Variants in BTK observed in about 807,000 individuals in gnomAD.
BTK encodes the protein Bruton tyrosine kinase, also known as tyrosine-protein kinase BTK.
BTK carries 5 observed loss-of-function variants against 57.4 expected under a neutral mutation model. The ratio of observed to expected loss-of-function variants is 0.09; its 90% CI spans 0.05 to 0.18. The LOEUF (loss-of-function observed/expected upper bound fraction) is 0.18, where lower values mean the gene tolerates loss of function less well. Ranked by LOEUF, BTK falls within the 10% of genes least tolerant of loss-of-function variation. BTK has a pLI of 1.00. For synonymous variants in BTK, 154 were observed against 174.3 expected (o/e 0.88, Z 0.92); for missense variants, 194 against 501.2 (o/e 0.39, Z 5.85).
At chrX:101,384,605 CAA>C (rs10586954) in intron 1 of BTK, among the ~76,000 whole-genome samples, 28,310 of 83,645 alleles carry the variant, frequency 0.34, 5,722 homozygotes, top group African/African-American at 0.72. Flanking sequence ...AACTCCGTGT[CAA>C]AAAAAAAAAA....
At chrX:101,376,040 A>G (rs782376574) in intron 1 of BTK, among the ~76,000 whole-genome samples, 2 of 111,012 alleles carry the variant, frequency 1.8e-5, no homozygotes, top group Non-Finnish European at 3.8e-5. Flanking sequence ...GTTCTTTTAG[A>G]CAGCATCATG....
At chrX:101,383,421 C>T (rs187064456) in intron 1 of BTK, among the ~76,000 whole-genome samples, 1 of 111,975 alleles carries the variant, frequency 8.9e-6, no homozygotes, top group African/African-American at 3.2e-5. Flanking sequence ...TTTCCAGAAA[C>T]ATTGTCCCAA....
chrX:101,375,386 C>T, intron 1 of BTK, 72 bp from the exon 2 acceptor site: 1 of 1,053,935 alleles, frequency 9.5e-7, no homozygotes, highest in Non-Finnish European at 1.3e-6. Context: ...CTCAGCCTAG[C>T]TACCTAGTTT....
rs782019387 is a variant in BTK, at chrX:101,353,892, G to A, written c.1728C>T (p.Ser576=). 1 of 1,209,682 alleles carries A rather than the reference G, an allele frequency of 8.3e-7. No homozygotes were observed. The highest frequency in any genetic ancestry group is 1.8e-5 in the South Asian group (1 of 56,981). ...PEVLMYSKFS[S]KSDIWAFGVL... The stretch of plus-strand genomic sequence containing the variant: ...TACCAAAAGCCCAAATGTCAGATTT[G>A]CTGCTGAACTTGCTATACATCAGGA... Residue 576 remains serine, a synonymous_variant, in exon 17 of 19, where the codon AGC becomes AGT. Transcript: ENST00000308731.
At chrX:101,386,904 C>T (rs781821910), upstream of BTK, among the ~76,000 whole-genome samples, 1 of 111,642 alleles carries the variant, frequency 9.0e-6, no homozygotes, top group South Asian at 3.7e-4. Flanking sequence ...CTAGGTATGT[C>T]ACTTGAAGCC....
chrX:101,354,558 T>G, intron 16 of BTK, 72 bp downstream of exon 16: 2 of 1,045,412 alleles, frequency 1.9e-6, no homozygotes, highest in Non-Finnish European at 2.7e-6. Flanking sequence ...GGATTAAAAC[T>G]GTAACACCTA....
chrX:101,359,016 T>C (rs2147430655), intron 10 of BTK, among the ~76,000 whole-genome samples: 1 of 111,825 alleles, frequency 8.9e-6, no homozygotes, highest in South Asian at 3.8e-4. Context: ...CATGTGCCTG[T>C]AATCCCAGCT....
chrX:101,370,099 G>T lies in BTK; in HGVS notation c.310-20C>A, dbSNP rs782576504. 1.5e-5 allele frequency: 17 copies of T among 1,145,812 alleles called. No homozygotes were observed. The highest frequency in any genetic ancestry group is 1.9e-5 in the Non-Finnish European group (16 of 835,665). 94.4% of individuals were successfully genotyped at this position (1,145,812 alleles called of 1,213,427 possible). A position where few individuals can be genotyped will look rare whatever the true frequency, so the allele number is the denominator to read the frequency against. The stretch of plus-strand genomic sequence containing the variant: ...TACAACCTGGGTCGATGAAAACACA[G>T]ACTTCAGCAGTTAGGATTCAGAAAA... On this transcript the variant is annotated intron_variant, in intron 4 of 18. Coordinates refer to ENST00000308731, the MANE Select transcript of BTK (RefSeq NM_000061.3).
intron 4 of BTK, 73 bp downstream of exon 4, chrX:101,371,560 G>T: frequency 1.1e-6 from 1 of 939,256 alleles, no homozygotes; most frequent in Non-Finnish European, 1.5e-6. Flanking sequence ...CCTTCCCTCT[G>T]CCCTGCACCC....
At chrX:101,386,706 G>A (rs1480557448), upstream of BTK, among the ~76,000 whole-genome samples, 2 of 111,342 alleles carry the variant, frequency 1.8e-5, no homozygotes, top group African/African-American at 6.5e-5. Flanking sequence ...AGACTTCCCC[G>A]TGCTGAGTCA....
intron 5 of BTK, among the ~76,000 whole-genome samples, chrX:101,363,708 CAAA>C (rs1377147835): frequency 4.2e-5 from 2 of 47,934 alleles, no homozygotes; most frequent in Non-Finnish European, 4.5e-5. Context: ...TCTGTCTCAA[CAAA>C]AAAAAAAAAA....
At chrX:101,361,036 C>T (rs1317896596) in intron 7 of BTK, among the ~76,000 whole-genome samples, 2 of 110,254 alleles carry the variant, frequency 1.8e-5, no homozygotes, top group Non-Finnish European at 3.8e-5. Flanking sequence ...GCCAACGTGA[C>T]GAAACCCCAT....
Position 101,358,377 on chromosome X carries a change from G to A in BTK, c.1035C>T (p.Tyr345=), listed in dbSNP as rs782670313. 1.7e-6 allele frequency: 2 copies of A among 1,210,962 alleles called. No homozygotes were observed. Among genetic ancestry groups the A allele is most frequent in the East Asian group, 3.0e-5 (1 of 33,834 alleles). ...VVCSTPQSQY[Y]LAEKHLFSTI... ...TGCTGAAAAGGTGCTTCTCAGCCAGGTAATACTGGCTCTGAGGTGTGGAAC... is the reference window on the plus strand; with the variant it reads ...TGCTGAAAAGGTGCTTCTCAGCCAGATAATACTGGCTCTGAGGTGTGGAAC... The change falls in exon 12 of 19, where the codon TAC becomes TAT. Residue 345 remains tyrosine (Y), a synonymous_variant. Coordinates refer to ENST00000308731, the MANE Select transcript of BTK (RefSeq NM_000061.3).
At chrX:101,382,413 A>G (rs1555981901) in intron 1 of BTK, among the ~76,000 whole-genome samples, 1 of 109,331 alleles carries the variant, frequency 9.1e-6, no homozygotes, top group Non-Finnish European at 1.9e-5. Context: ...TGCAATCGCT[A>G]CCTCCCAGTT....
chrX:101,386,757 G>C (rs185264406), upstream of BTK, among the ~76,000 whole-genome samples: 9 of 111,786 alleles, frequency 8.1e-5, no homozygotes, highest in Admixed American at 8.5e-4. Flanking sequence ...TAAAAATGTC[G>C]GAATATAAGC....
rs781783177 is a variant in BTK, at chrX:101,354,620, C to G, written c.1631+10G>C. 1 of 1,208,672 alleles carries G rather than the reference C, an allele frequency of 8.3e-7. No individual in the cohort carries two copies. The highest frequency in any genetic ancestry group is 1.1e-6 in the Non-Finnish European group (1 of 894,211). ...ACTTCTGGAGGGAAAGATGAAAAAG[C>G]CACACTCACCTGGACAGGCCGAAAT... is the stretch of plus-strand genomic sequence containing the variant. On this transcript the variant is annotated intron_variant, in intron 16 of 18. Transcript: ENST00000308731.
At chrX:101,387,107 G>T (rs782766777), upstream of BTK, among the ~76,000 whole-genome samples, 3 of 111,544 alleles carry the variant, frequency 2.7e-5, no homozygotes, top group Non-Finnish European at 5.6e-5. Flanking sequence ...TCCTAATGTA[G>T]AAACAGATCA....
intron 5 of BTK, among the ~76,000 whole-genome samples, chrX:101,365,979 G>A (rs919692457): frequency 1.8e-5 from 2 of 112,449 alleles, no homozygotes; most frequent in Non-Finnish European, 3.8e-5. Flanking sequence ...AGGTATCTGA[G>A]GCTATGCTTT....
intron 3 of BTK, among the ~76,000 whole-genome samples, chrX:101,373,767 G>T (rs1300085828): frequency 8.9e-6 from 1 of 111,834 alleles, no homozygotes; most frequent in Non-Finnish European, 1.9e-5. Context: ...GTCAGACCCA[G>T]TGGGTGGCTC....
Sources: gnomAD v4.1 joint callset for allele counts (sites outside exome capture counted in the v4.1 genomes callset) on GRCh38, gnomAD v4.1.1 for gene constraint, MANE v1.5 for transcripts, NCBI Gene and HGNC (gene_info 2026-07-23, HGNC 2026-07-21) for gene names.